RGS6: variants seen among roughly 807,000 people sequenced by gnomAD.
RGS6 encodes the protein regulator of G protein signaling 6, also known as regulator of G-protein signaling 6.
In RGS6, 30 loss-of-function variants were observed where a neutral mutation model predicts 78.5. The ratio of observed to expected loss-of-function variants is 0.38; its 90% confidence interval spans 0.29 to 0.52. The LOEUF (loss-of-function observed/expected upper bound fraction) is 0.52, where lower values mean the gene tolerates loss of function less well. Ranked by LOEUF, RGS6 falls within the 20% of genes least tolerant of loss-of-function variation. RGS6 has a pLI of 0.85. For synonymous variants in RGS6, 206 were observed against 206.0 expected (o/e 1.00, Z 0.00); for missense variants, 495 against 609.7 (o/e 0.81, Z 1.98).
intron 3 of RGS6, among the ~76,000 whole-genome samples, chr14:72,438,120 G>A (rs2095025251): frequency 6.6e-6 from 1 of 152,082 alleles, no homozygotes; most frequent in African/African-American, 2.4e-5. Context: ...AGCTGTTGGA[G>A]CTCATTTTTC....
In RGS6 at chr14:72,285,687, C is replaced by G. The variant is rs113051769; in HGVS notation, c.85-66408C>G. 7.1e-3 allele frequency among the ~76,000 whole-genome samples: 1,088 copies of G among 152,208 alleles called. 4 individuals carry two copies. The highest frequency in any genetic ancestry group is 0.02 in the Middle Eastern group (6 of 294). ...TCTTTACATCCTTGCCAGCACTTGT[C>G]TTTTTGATAATAGTCATCCTAACAG... On this transcript the variant is annotated intron_variant, in intron 2 of 17. Transcript: ENST00000553525.
intron 13 of RGS6, among the ~76,000 whole-genome samples, chr14:72,502,736 C>A (rs891154021): frequency 1.3e-5 from 2 of 151,972 alleles, no homozygotes; most frequent in African/African-American, 4.8e-5. Flanking sequence ...TGCACTCCAG[C>A]CTGAGCGACA....
chr14:72,040,656 C>T (rs1203755284), intron 2 of RGS6, among the ~76,000 whole-genome samples: 2 of 152,026 alleles, frequency 1.3e-5, no homozygotes, highest in South Asian at 4.2e-4. Flanking sequence ...TCTTTTTCCC[C>T]CTAGATTTGG....
At chr14:72,013,195 TG>T (rs1287855461) in intron 2 of RGS6, among the ~76,000 whole-genome samples, 2 of 137,562 alleles carry the variant, frequency 1.5e-5, no homozygotes, top group African/African-American at 5.7e-5. Flanking sequence ...CTCTTGAACC[TG>T]GGAGGTGGGG....
At chr14:72,075,768 G>C (rs971100819) in intron 2 of RGS6, among the ~76,000 whole-genome samples, 7 of 152,188 alleles carry the variant, frequency 4.6e-5, no homozygotes, top group Non-Finnish European at 1.0e-4. Context: ...TGGAGGTCCA[G>C]GATGAATGCC....
At chr14:72,457,150 A>C (rs914870735) in intron 4 of RGS6, among the ~76,000 whole-genome samples, 2 of 151,506 alleles carry the variant, frequency 1.3e-5, no homozygotes, top group African/African-American at 4.8e-5. Flanking sequence ...ATAAAACTCT[A>C]TTCATTCCAA....
the RGS6 span, among the ~76,000 whole-genome samples, chr14:72,597,482 G>A: frequency 2.6e-5 from 4 of 152,290 alleles, 1 homozygote; most frequent in South Asian, 6.2e-4. Flanking sequence ...TTTCTCCTAC[G>A]TGTCCCTGAC....
chr14:72,621,592 G>A, the RGS6 span, among the ~76,000 whole-genome samples: 8 of 152,254 alleles, frequency 5.3e-5, no homozygotes, highest in East Asian at 1.9e-4. Flanking sequence ...GGAGTGATAC[G>A]ATCAGATTGC....
At chr14:71,969,159 C>CT (rs2093675232) in intron 2 of RGS6, among the ~76,000 whole-genome samples, 2 of 152,098 alleles carry the variant, frequency 1.3e-5, no homozygotes, top group Non-Finnish European at 2.9e-5. Flanking sequence ...CGAACTCATC[C>CT]TTTTTTATGG....
chr14:72,356,516 G>A (rs2080326793), intron 3 of RGS6, among the ~76,000 whole-genome samples: 1 of 152,166 alleles, frequency 6.6e-6, no homozygotes. Flanking sequence ...ATCAGCACTG[G>A]AGATGTGTGA....
chr14:72,172,150 T>C (rs1467852081), intron 2 of RGS6, among the ~76,000 whole-genome samples: 2 of 152,066 alleles, frequency 1.3e-5, no homozygotes, highest in Non-Finnish European at 2.9e-5. Context: ...ATCGATTTCA[T>C]TCCTTTCCTA....
At chr14:72,343,336 T>C (rs2077378149) in intron 2 of RGS6, among the ~76,000 whole-genome samples, 1 of 152,158 alleles carries the variant, frequency 6.6e-6, no homozygotes, top group Non-Finnish European at 1.5e-5. Flanking sequence ...ATTTTCAAAA[T>C]CAGTAAAGTC....
intron 3 of RGS6, among the ~76,000 whole-genome samples, chr14:72,360,374 T>C (rs1043323685): frequency 1.3e-5 from 2 of 149,888 alleles, no homozygotes; most frequent in African/African-American, 4.9e-5. Context: ...ACAAAAAAAT[T>C]AGCTGGGTGT....
At chr14:72,201,584 G>A (rs575837474) in intron 2 of RGS6, among the ~76,000 whole-genome samples, 1 of 152,172 alleles carries the variant, frequency 6.6e-6, no homozygotes, top group East Asian at 1.9e-4. Context: ...AATTAAAGAA[G>A]TGAATTTGGG....
chr14:72,453,035 A>G (rs12164887), intron 3 of RGS6, among the ~76,000 whole-genome samples: 2,438 of 152,280 alleles, frequency 0.016, 63 homozygotes, highest in African/African-American at 0.057. Context: ...CGTCGCTGGT[A>G]TGCCGCAGGA....
At chr14:72,199,330 T>G (rs1005913892) in intron 2 of RGS6, among the ~76,000 whole-genome samples, 2 of 152,226 alleles carry the variant, frequency 1.3e-5, no homozygotes, top group African/African-American at 4.8e-5. Context: ...TTTACACTTA[T>G]GTTGGTGTCA....
the RGS6 span, among the ~76,000 whole-genome samples, chr14:71,884,385 G>A: frequency 6.6e-6 from 1 of 152,248 alleles, no homozygotes; most frequent in African/African-American, 2.4e-5. Flanking sequence ...TCAAGAGCTT[G>A]TCAGTGGAGT....
At chr14:72,116,701 T>C (rs920403339) in intron 2 of RGS6, among the ~76,000 whole-genome samples, 1 of 152,022 alleles carries the variant, frequency 6.6e-6, no homozygotes, top group Non-Finnish European at 1.5e-5. Flanking sequence ...CAGTGGCTCA[T>C]GCCTGTAACC....
At chr14:72,259,281 A>G (rs1267901853) in intron 2 of RGS6, among the ~76,000 whole-genome samples, 1 of 152,202 alleles carries the variant, frequency 6.6e-6, no homozygotes, top group East Asian at 1.9e-4. Flanking sequence ...TAATATTGTA[A>G]CTATATATCA....
Sources: allele counts gnomAD v4.1 joint callset (sites outside exome capture counted in the v4.1 genomes callset), GRCh38; gene constraint gnomAD v4.1.1; transcripts MANE v1.5; gene names NCBI Gene and HGNC (gene_info 2026-07-23, HGNC 2026-07-21).